The following VRK2 variants were observed in gnomAD, a reference collection of about 807,000 sequenced individuals.
VRK2 encodes the protein VRK serine/threonine kinase 2, also known as serine/threonine-protein kinase VRK2.
VRK2 carries 60 observed loss-of-function variants against 57.6 expected under a neutral mutation model. The ratio of observed to expected loss-of-function variants is 1.04; its 90% CI spans 0.85 to 1.29. VRK2 has a LOEUF of 1.29. Ranked by LOEUF, VRK2 falls within the 50% of genes most tolerant of loss-of-function variation. VRK2 has a pLI of 0.00. For missense variants in VRK2, 705 were observed against 588.1 expected, an observed-to-expected ratio of 1.20 and a Z score of -2.06; for synonymous variants, 231 against 199.2, an observed-to-expected ratio of 1.16 and a Z score of -1.35.
At chr2:58,135,797 C>T (rs1162341416) in intron 10 of VRK2, among the ~76,000 whole-genome samples, 1 of 152,226 alleles carries the variant, frequency 6.6e-6, no homozygotes, top group East Asian at 1.9e-4. Context: ...TATAAAATAG[C>T]ACGTCAACTA....
chr2:58,147,126 C>T (rs1232008647), intron 12 of VRK2: 8 of 517,360 alleles, frequency 1.5e-5, no homozygotes, highest in African/African-American at 3.9e-5. Flanking sequence ...AATACCCCAC[C>T]TTGTATACCC....
At chr2:57,915,985 T>A (rs1166329863) in intron 1 of VRK2, among the ~76,000 whole-genome samples, 1 of 151,946 alleles carries the variant, frequency 6.6e-6, no homozygotes, top group African/African-American at 2.4e-5. Context: ...AAACCACCAC[T>A]CCCCATGCCA....
At chr2:57,911,230 A>G (rs1167779055) in intron 1 of VRK2, among the ~76,000 whole-genome samples, 3 of 152,150 alleles carry the variant, frequency 2.0e-5, no homozygotes, top group Non-Finnish European at 4.4e-5. Context: ...TATAAACATT[A>G]TGCTTTTTGT....
chr2:58,104,098 C>T (rs1049338067), intron 7 of VRK2, among the ~76,000 whole-genome samples: 1 of 151,600 alleles, frequency 6.6e-6, no homozygotes, highest in African/African-American at 2.4e-5. Context: ...CCATATATGC[C>T]AACATCATAC....
chr2:58,143,277 A>G (rs1247041806), intron 11 of VRK2, among the ~76,000 whole-genome samples: 1 of 151,964 alleles, frequency 6.6e-6, no homozygotes, highest in East Asian at 1.9e-4. Flanking sequence ...GGAAAATTAA[A>G]TAAAAACTAC....
chr2:58,069,510 T>G (rs1200004036), intron 2 of VRK2, among the ~76,000 whole-genome samples: 1 of 152,172 alleles, frequency 6.6e-6, no homozygotes, highest in Non-Finnish European at 1.5e-5. Flanking sequence ...GGCTTTTATT[T>G]ACCGTGCCTT....
rs377255649 is a variant in VRK2 at position 58,110,400 on chromosome 2, C to T, written c.544-12701C>T. Among the ~76,000 whole-genome samples the T allele has an allele frequency of 3.4e-4, 52 of 152,022 alleles. No individual in the cohort carries two copies. In the South Asian group the frequency reaches 9.6e-3, roughly 28 times the overall value. On this transcript the variant is annotated intron_variant, in intron 7 of 12. Transcript: ENST00000340157. The stretch of plus-strand genomic sequence containing the variant: ...TAACAATAAATCAAATGCATATTTA[C>T]GAAAATAACTATATGACAAAAAGGG...
At chr2:58,067,312 T>C (rs1409185309) in intron 2 of VRK2, among the ~76,000 whole-genome samples, 1 of 152,206 alleles carries the variant, frequency 6.6e-6, no homozygotes, top group African/African-American at 2.4e-5. Context: ...CTTGTGATCA[T>C]GTGAATCCTT....
At chr2:57,936,505 T>C (rs1185190638) in intron 1 of VRK2, among the ~76,000 whole-genome samples, 2 of 150,590 alleles carry the variant, frequency 1.3e-5, no homozygotes, top group African/African-American at 2.5e-5. Flanking sequence ...CTTTCATTTT[T>C]TTGTTTTGTT....
chr2:58,047,514 C>G, intron 1 of VRK2: 1 of 913,010 alleles, frequency 1.1e-6, no homozygotes, highest in Non-Finnish European at 1.3e-6. Context: ...GCCCTGAGGC[C>G]GCTGCCTTGC....
chr2:58,070,170 A>G (rs1669186001), intron 2 of VRK2, among the ~76,000 whole-genome samples: 1 of 152,136 alleles, frequency 6.6e-6, no homozygotes, highest in Non-Finnish European at 1.5e-5. Context: ...ACTAAAGTCC[A>G]TAATTTAAAC....
At chr2:58,154,351 A>G (rs1316205540) in intron 12 of VRK2, among the ~76,000 whole-genome samples, 1 of 151,446 alleles carries the variant, frequency 6.6e-6, no homozygotes, top group Admixed American at 6.6e-5. Flanking sequence ...TTTGACAAAT[A>G]TAATTGTATA....
At chr2:57,912,470 G>A (rs1670017575) in intron 1 of VRK2, among the ~76,000 whole-genome samples, 1 of 152,084 alleles carries the variant, frequency 6.6e-6, no homozygotes, top group Admixed American at 6.6e-5. Context: ...ATAGAGTGAA[G>A]TAATTAACCA....
chr2:57,984,625 G>C (rs1204607867), intron 1 of VRK2, among the ~76,000 whole-genome samples: 1 of 152,000 alleles, frequency 6.6e-6, no homozygotes, highest in African/African-American at 2.4e-5. Flanking sequence ...ACTCAACCCA[G>C]TATACCTGAC....
chr2:58,140,044 A>C (rs576804866), intron 11 of VRK2, among the ~76,000 whole-genome samples: 4 of 152,078 alleles, frequency 2.6e-5, no homozygotes, highest in Admixed American at 2.6e-4. Context: ...CCTACTATGT[A>C]CTATGAAAGA....
At chr2:57,924,105 A>G (rs1323741097) in intron 1 of VRK2, among the ~76,000 whole-genome samples, 1 of 151,984 alleles carries the variant, frequency 6.6e-6, no homozygotes, top group East Asian at 1.9e-4. Flanking sequence ...TGTCAGTACC[A>G]TGCCATTTCG....
intron 8 of VRK2, among the ~76,000 whole-genome samples, chr2:58,126,612 G>GT (rs948550194): frequency 2.6e-5 from 4 of 151,964 alleles, no homozygotes; most frequent in African/African-American, 4.8e-5. Flanking sequence ...ATATCTGTAT[G>GT]TTTTTTTAAA....
intron 1 of VRK2, among the ~76,000 whole-genome samples, chr2:58,012,674 G>A (rs550778420): frequency 6.6e-6 from 1 of 152,196 alleles, no homozygotes; most frequent in African/African-American, 2.4e-5. Flanking sequence ...CATAAACTCA[G>A]GTATGTTAAG....
At chr2:57,939,103 A>C (rs1671011131) in intron 1 of VRK2, among the ~76,000 whole-genome samples, 4 of 152,208 alleles carry the variant, frequency 2.6e-5, no homozygotes, top group Admixed American at 2.6e-4. Flanking sequence ...GCAGAGAAGG[A>C]AGCAATCTAG....
Sources: allele counts gnomAD v4.1 joint callset (sites outside exome capture counted in the v4.1 genomes callset), GRCh38; gene constraint gnomAD v4.1.1; transcripts MANE v1.5; gene names NCBI Gene and HGNC (gene_info 2026-07-23, HGNC 2026-07-21).